Variants in HSF2BP observed in about 807,000 individuals in gnomAD.
The protein encoded by HSF2BP is heat shock transcription factor 2 binding protein, also known as heat shock factor 2-binding protein.
A neutral mutation model predicts 35.0 loss-of-function variants in HSF2BP; 35 were observed. The observed-to-expected ratio is 1.00, with a 90% CI of 0.76 to 1.32. HSF2BP has a LOEUF of 1.32. Among genes scored for constraint, HSF2BP ranks in the 40% most tolerant of loss-of-function variants. The probability of loss-of-function intolerance (pLI) is 0.00; values close to 1 mark genes in which losing one functional copy is unlikely to be tolerated. For synonymous variants in HSF2BP, 114 were observed against 117.4 expected (o/e 0.97, Z 0.18); for missense variants, 326 against 321.7 (o/e 1.01, Z -0.10).
intron 3 of HSF2BP, 102 bp downstream of exon 3, chr21:43,656,485 C>T: frequency 9.1e-7 from 1 of 1,104,572 alleles, no homozygotes; most frequent in Non-Finnish European, 1.3e-6. Flanking sequence ...ATCACAAGGA[C>T]TGTAAGAGTA....
At chr21:43,604,745 C>T (rs1364460776) in intron 7 of HSF2BP, among the ~76,000 whole-genome samples, 3 of 144,052 alleles carry the variant, frequency 2.1e-5, no homozygotes, top group African/African-American at 7.8e-5. Context: ...ACACACACCA[C>T]TCACACACCA....
intron 6 of HSF2BP, among the ~76,000 whole-genome samples, chr21:43,617,179 GGTTT>G (rs952716217): frequency 6.6e-6 from 1 of 151,884 alleles, no homozygotes; most frequent in African/African-American, 2.4e-5. Flanking sequence ...ATTTTGAGGA[GGTTT>G]GTTACACAGC....
intron 3 of HSF2BP, among the ~76,000 whole-genome samples, chr21:43,654,135 A>G (rs1029089602): frequency 6.6e-6 from 1 of 152,204 alleles, no homozygotes; most frequent in Non-Finnish European, 1.5e-5. Context: ...CTCAAAGACA[A>G]TGCAACTGTA....
intron 6 of HSF2BP, among the ~76,000 whole-genome samples, chr21:43,616,451 C>T (rs2082271943): frequency 6.6e-6 from 1 of 151,842 alleles, no homozygotes; most frequent in African/African-American, 2.4e-5. Context: ...TGAGATGAGC[C>T]TGGCCAACAT....
At chr21:43,575,357 T>C (rs1299014200) in intron 8 of HSF2BP, among the ~76,000 whole-genome samples, 1 of 152,210 alleles carries the variant, frequency 6.6e-6, no homozygotes, top group Non-Finnish European at 1.5e-5. Context: ...TTCATAAACC[T>C]GTCACAGAGA....
At position 43,573,906 on chromosome 21, in the gene HSF2BP, C is replaced by T. The variant is rs535167945; in HGVS notation, c.796+18319G>A. 1.0e-3 allele frequency among the ~76,000 whole-genome samples: 157 copies of T among 152,286 alleles called. 2 individuals carry two copies. Among genetic ancestry groups the T allele is most frequent in the Middle Eastern group, 0.01 (3 of 294 alleles). ...GGGGCAACCTCGTGATGAGTAGTTT[C>T]GTTTGCTAAGTCGTTGGAAACTAGG... On this transcript the variant is annotated intron_variant, in intron 8 of 8. Transcript: ENST00000291560.
intron 7 of HSF2BP, among the ~76,000 whole-genome samples, chr21:43,594,160 A>T (rs2081958242): frequency 6.6e-6 from 1 of 152,198 alleles, no homozygotes; most frequent in Admixed American, 6.5e-5. Flanking sequence ...AAATATTTTC[A>T]ACAAAAGAGG....
chr21:43,598,709 C>G (rs1157935276), intron 7 of HSF2BP, among the ~76,000 whole-genome samples: 2 of 152,090 alleles, frequency 1.3e-5, no homozygotes, highest in Non-Finnish European at 2.9e-5. Context: ...AATTCAAAAG[C>G]TACTCACTAG....
chr21:43,599,543 C>T (rs1220642298), intron 7 of HSF2BP, among the ~76,000 whole-genome samples: 3 of 152,202 alleles, frequency 2.0e-5, no homozygotes, highest in African/African-American at 4.8e-5. Context: ...CCTGTAATCC[C>T]AGCACTTTGG....
At chr21:43,651,403 G>A (rs960901550) in intron 3 of HSF2BP, among the ~76,000 whole-genome samples, 1 of 151,078 alleles carries the variant, frequency 6.6e-6, no homozygotes, top group Non-Finnish European at 1.5e-5. Flanking sequence ...CTAATCAAAC[G>A]TCCCTTCCAT....
chr21:43,580,084 C>G (rs1227366642), intron 8 of HSF2BP, among the ~76,000 whole-genome samples: 1 of 152,110 alleles, frequency 6.6e-6, no homozygotes. Context: ...GCCAGCCTCC[C>G]CGTGTCATGT....
chr21:43,609,695 G>A (rs941033205), intron 7 of HSF2BP, among the ~76,000 whole-genome samples: 2 of 152,116 alleles, frequency 1.3e-5, no homozygotes, highest in Admixed American at 6.5e-5. Flanking sequence ...GTGAAAAGAG[G>A]GGAGAAGAGT....
At chr21:43,579,157 T>C (rs1004077752) in intron 8 of HSF2BP, among the ~76,000 whole-genome samples, 6 of 152,234 alleles carry the variant, frequency 3.9e-5, no homozygotes, top group African/African-American at 1.4e-4. Context: ...GTTGACTGTA[T>C]GCACAGCTGG....
At chr21:43,573,923 G>A (rs928734636) in intron 8 of HSF2BP, among the ~76,000 whole-genome samples, 11 of 152,210 alleles carry the variant, frequency 7.2e-5, no homozygotes, top group African/African-American at 2.2e-4. Context: ...TAAGTCGTTG[G>A]AAACTAGGAA....
At chr21:43,658,919 C>T (rs7276633) in intron 1 of HSF2BP, among the ~76,000 whole-genome samples, 89,040 of 152,120 alleles carry the variant, frequency 0.59, 26,481 homozygotes, top group East Asian at 0.78. Context: ...CCCGGGGGCC[C>T]GGGGGCTCCA....
Position 43,658,172 on chromosome 21 carries a change from C to G in HSF2BP, c.-76G>C. ...CCCCTCACGCCAGAAAGCGCGGGAACGAATCCACGCCGGGGGTCGGGAACG... is the reference window on the plus strand; with the variant it reads ...CCCCTCACGCCAGAAAGCGCGGGAAGGAATCCACGCCGGGGGTCGGGAACG... On this transcript the variant is annotated 5_prime_UTR_variant, in exon 2 of 9. Coordinates refer to ENST00000291560, the MANE Select transcript of HSF2BP (RefSeq NM_007031.2). The G allele has an allele frequency of 1.4e-6, 2 of 1,425,452 alleles. No homozygotes were observed. The highest frequency in any genetic ancestry group is 1.8e-6 in the Non-Finnish European group (2 of 1,083,056). 88.3% of individuals were successfully genotyped at this position (1,425,452 alleles called of 1,614,324 possible). A position where few individuals can be genotyped will look rare whatever the true frequency, so the allele number is the denominator to read the frequency against.
chr21:43,621,307 A>G (rs2082328781), intron 6 of HSF2BP, among the ~76,000 whole-genome samples: 1 of 152,228 alleles, frequency 6.6e-6, no homozygotes. Context: ...CAGGCAGATC[A>G]CTTGAGGTTA....
chr21:43,619,039 GC>G (rs2082303406), intron 6 of HSF2BP, among the ~76,000 whole-genome samples: 1 of 152,036 alleles, frequency 6.6e-6, no homozygotes, highest in African/African-American at 2.4e-5. Flanking sequence ...GAGTGCAGTG[GC>G]ACAATCGCAG....
chr21:43,644,397 G>C lies in HSF2BP; in HGVS notation c.188-5C>G. ...CTTGCTCTTTCCTTTCCAGGTCTAG[G>C]AGAAAGACATAAAATTACTCAAGAT... On this transcript the variant is annotated splice_region_variant and splice_polypyrimidine_tract_variant and intron_variant, in intron 3 of 8. Coordinates refer to ENST00000291560, the MANE Select transcript of HSF2BP (RefSeq NM_007031.2). The C allele has an allele frequency of 2.5e-6, 4 of 1,608,290 alleles. No individual in the cohort carries two copies. In the South Asian group the frequency reaches 4.4e-5, roughly 18 times the overall value.
Sources: allele counts gnomAD v4.1 joint callset (sites outside exome capture counted in the v4.1 genomes callset), GRCh38; gene constraint gnomAD v4.1.1; transcripts MANE v1.5; gene names NCBI Gene and HGNC (gene_info 2026-07-23, HGNC 2026-07-21).